The following PCDHGA3 variants were observed in gnomAD, a reference collection of about 807,000 sequenced individuals.
PCDHGA3 encodes protocadherin gamma subfamily A, 3, also known as protocadherin gamma-A3.
Under a neutral mutation model 58.5 loss-of-function variants are expected in PCDHGA3, and 40 were observed. The observed-to-expected ratio is 0.68, with a 90% confidence interval of 0.53 to 0.89. PCDHGA3 has a LOEUF of 0.89. Ranked by LOEUF, PCDHGA3 falls within the 40% of genes least tolerant of loss-of-function variation. PCDHGA3 has a pLI of 0.00. For missense variants in PCDHGA3, 1,223 were observed against 1,195.9 expected, an observed-to-expected ratio of 1.02 and a Z score of -0.33; for synonymous variants, 530 against 525.7, an observed-to-expected ratio of 1.01 and a Z score of -0.11.
intron 2 of PCDHGA3, 54 bp downstream of exon 2, chr5:141,494,919 T>A: frequency 6.2e-7 from 1 of 1,613,926 alleles, no homozygotes; most frequent in South Asian, 1.1e-5. Flanking sequence ...TTCTCAGGGA[T>A]GACGTGGGAG....
chr5:141,357,648 C>G, intron 1 of PCDHGA3: 5 of 1,609,552 alleles, frequency 3.1e-6, no homozygotes, highest in Non-Finnish European at 4.2e-6. Flanking sequence ...ATAGATCATA[C>G]CACACTGAAA....
At chr5:141,399,515 C>G (rs748098945) in intron 1 of PCDHGA3, 1 of 1,614,040 alleles carries the variant, frequency 6.2e-7, no homozygotes, top group Non-Finnish European at 8.5e-7. Context: ...AACAACCCTC[C>G]TGGGGCCTCC....
At chr5:141,358,065 C>T (rs1461000215) in intron 1 of PCDHGA3, among the ~76,000 whole-genome samples, 5 of 152,092 alleles carry the variant, frequency 3.3e-5, no homozygotes, top group African/African-American at 1.2e-4. Flanking sequence ...TGGTGTGTGC[C>T]CGTAGTCCCA....
intron 1 of PCDHGA3, chr5:141,422,614 C>T (rs1207238896): frequency 6.2e-7 from 1 of 1,613,812 alleles, no homozygotes; most frequent in South Asian, 1.1e-5. Flanking sequence ...TGCCTACATT[C>T]CCGAAAACAA....
intron 1 of PCDHGA3, chr5:141,404,708 T>C: frequency 6.2e-7 from 1 of 1,614,064 alleles, no homozygotes; most frequent in Non-Finnish European, 8.5e-7. Context: ...AGAGCCTGGC[T>C]ACCTGGTGAC....
rs759356451 is a variant in PCDHGA3, at chr5:141,476,397, G to C, written c.2425-18410G>C. On this transcript the variant is annotated intron_variant, in intron 1 of 3. Transcript: ENST00000253812. The surrounding 1 kb of genome is among the most constrained non-coding windows in gnomAD (Gnocchi z 7.6). ...ATGTTTGTGAACGACCGTCTGGATC[G>C]AGAGGAGCTGTGTGGGACACTGCCC... The C allele has an allele frequency of 6.2e-7, 1 of 1,614,142 alleles. No individual in the cohort carries two copies. The highest frequency in any genetic ancestry group is 8.5e-7 in the Non-Finnish European group (1 of 1,180,036).
intron 1 of PCDHGA3, among the ~76,000 whole-genome samples, chr5:141,364,008 C>T (rs553317478): frequency 3.3e-5 from 5 of 152,194 alleles, no homozygotes; most frequent in African/African-American, 9.6e-5. Context: ...TCATAAACAA[C>T]GCTACACAGT....
At chr5:141,422,899 G>C (rs759972749) in intron 1 of PCDHGA3, 13 of 1,614,116 alleles carry the variant, frequency 8.1e-6, no homozygotes, top group Middle Eastern at 3.3e-4. Context: ...GGACCAGAAC[G>C]ACAATGCGCC....
At chr5:141,502,818 C>T (rs1209481886) in intron 2 of PCDHGA3, among the ~76,000 whole-genome samples, 1 of 150,836 alleles carries the variant, frequency 6.6e-6, no homozygotes, top group Non-Finnish European at 1.5e-5. Context: ...ACTGTCTTTT[C>T]CTTGGGGAAG....
chr5:141,408,430 C>T, intron 1 of PCDHGA3: 2 of 1,614,012 alleles, frequency 1.2e-6, no homozygotes, highest in South Asian at 1.1e-5. Context: ...TGCACTTCAG[C>T]GTAGACGCGG....
chr5:141,468,749 C>G (rs1237051053), intron 1 of PCDHGA3, among the ~76,000 whole-genome samples: 1 of 151,962 alleles, frequency 6.6e-6, no homozygotes, highest in Non-Finnish European at 1.5e-5. Context: ...GCCTGTAGTC[C>G]CAGCTACTCG....
intron 1 of PCDHGA3, chr5:141,374,356 C>T: frequency 1.2e-6 from 2 of 1,614,034 alleles, no homozygotes; most frequent in Non-Finnish European, 1.7e-6. Context: ...GTAGGATAGA[C>T]CGCGAGGAGC....
At position 141,490,006 on chromosome 5, in the gene PCDHGA3, C is replaced by T; in HGVS notation, c.2425-4801C>T. The stretch of plus-strand genomic sequence containing the variant: ...ACGTGTGGGAATCCCAGAGAATGCA[C>T]CCATTGGTACTCTGCTGCTCCGCCT... On this transcript the variant is annotated intron_variant, in intron 1 of 3. Coordinates refer to ENST00000253812, the MANE Select transcript of PCDHGA3 (RefSeq NM_018916.4). This position sits in a 1 kb window ranked among gnomAD's most constrained non-coding sequence, Gnocchi z 5.4. 2 of 1,614,222 alleles carry T rather than the reference C, an allele frequency of 1.2e-6. No homozygotes were observed. The highest frequency in any genetic ancestry group is 1.7e-6 in the Non-Finnish European group (2 of 1,180,010).
At chr5:141,365,408 T>G in intron 1 of PCDHGA3, 1 of 1,614,004 alleles carries the variant, frequency 6.2e-7, no homozygotes. Flanking sequence ...CTCTGAAGAC[T>G]GTCTTCCCGG....
At chr5:141,421,535 G>GT (rs975619932) in intron 1 of PCDHGA3, 8 of 1,614,032 alleles carry the variant, frequency 5.0e-6, no homozygotes, top group Non-Finnish European at 6.8e-6. Flanking sequence ...GTGTCCTCCT[G>GT]TTTTTTAAAT....
chr5:141,360,829 G>C lies in PCDHGA3; in HGVS notation c.2424+14372G>C, dbSNP rs1467338981. On this transcript the variant is annotated intron_variant, in intron 1 of 3. Coordinates refer to ENST00000253812, the MANE Select transcript of PCDHGA3 (RefSeq NM_018916.4). The stretch of plus-strand genomic sequence containing the variant: ...TGGCACGACCCAAATCCGAATCAAA[G>C]TCACGGATGCCAACGATAACCCTCC... 11 of 1,613,980 alleles carry C rather than the reference G, an allele frequency of 6.8e-6. No homozygotes were observed. The South Asian group carries it at 1.2e-4, about 18-fold the overall frequency.
At chr5:141,364,717 C>G in intron 1 of PCDHGA3, 1 of 1,613,970 alleles carries the variant, frequency 6.2e-7, no homozygotes, top group Non-Finnish European at 8.5e-7. Flanking sequence ...TTAATGATAA[C>G]TTCCCGCGTT....
intron 1 of PCDHGA3, chr5:141,371,856 T>C (rs758069791): frequency 1.9e-6 from 3 of 1,613,462 alleles, no homozygotes; most frequent in Admixed American, 3.3e-5. Context: ...TGGCCTTGTC[T>C]CCTACTACAT....
intron 1 of PCDHGA3, among the ~76,000 whole-genome samples, chr5:141,444,029 A>T (rs977610555): frequency 2.6e-5 from 4 of 152,164 alleles, no homozygotes; most frequent in African/African-American, 9.7e-5. Flanking sequence ...AAAGGAATTC[A>T]GTAAATCAGA....
Sources: gnomAD v4.1 joint callset for allele counts (sites outside exome capture counted in the v4.1 genomes callset) on GRCh38, gnomAD v4.1.1 for gene constraint, Gnocchi (gnomAD v3.1) non-coding constraint, MANE v1.5 for transcripts, NCBI Gene and HGNC (gene_info 2026-07-23, HGNC 2026-07-21) for gene names.